Variants in SHISAL2B observed in about 807,000 individuals in gnomAD.
SHISAL2B encodes the protein protein shisa-like-2B.
In SHISAL2B, 12 loss-of-function variants were observed where a neutral mutation model predicts 16.5. The ratio of observed to expected loss-of-function variants is 0.73; its 90% CI spans 0.47 to 1.18. SHISAL2B has a LOEUF of 1.18. Ranked by LOEUF, SHISAL2B falls within the 50% of genes most tolerant of loss-of-function variation. The pLI is 0.00. For missense variants in SHISAL2B, 183 were observed against 193.6 expected (o/e 0.95, Z 0.33); for synonymous variants, 72 against 75.0 (o/e 0.96, Z 0.21).
intron 2 of SHISAL2B, among the ~76,000 whole-genome samples, chr5:64,716,518 TG>T (rs1250697657): frequency 2.0e-5 from 3 of 152,074 alleles, no homozygotes. Flanking sequence ...ATAAGTGCTT[TG>T]GGGGGAGAAA....
At chr5:64,699,169 A>C (rs1164086228) in intron 2 of SHISAL2B, among the ~76,000 whole-genome samples, 4 of 152,188 alleles carry the variant, frequency 2.6e-5, no homozygotes, top group African/African-American at 9.6e-5. Flanking sequence ...TATTTTGTCA[A>C]ATTGACAAAT....
chr5:64,705,595 CT>C (rs1191404811), intron 2 of SHISAL2B, among the ~76,000 whole-genome samples: 1 of 152,114 alleles, frequency 6.6e-6, no homozygotes, highest in Non-Finnish European at 1.5e-5. Flanking sequence ...AATCTTTGAT[CT>C]TTTATCTTTA....
chr5:64,714,325 G>A (rs1232467831), intron 2 of SHISAL2B, among the ~76,000 whole-genome samples: 1 of 142,434 alleles, frequency 7.0e-6, no homozygotes, highest in Non-Finnish European at 1.5e-5. Context: ...TGCCCCTGCT[G>A]GGGGGTGCCT....
chr5:64,697,676 CTT>C (rs1012638254), intron 2 of SHISAL2B, among the ~76,000 whole-genome samples: 3 of 151,896 alleles, frequency 2.0e-5, no homozygotes, highest in Non-Finnish European at 2.9e-5. Context: ...AATATATAAA[CTT>C]AGAATATAAA....
At position 64,714,930 on chromosome 5, in the gene SHISAL2B, G is replaced by A. The variant is rs140942715; in HGVS notation, c.350-2959G>A. Among the ~76,000 whole-genome samples the A allele has an allele frequency of 4.1e-3, 631 of 152,154 alleles. 9 individuals are homozygous for A. The highest frequency in any genetic ancestry group is 0.03 in the East Asian group (153 of 5,144). Reference sequence around the variant, plus strand: ...ACGGTGCGTGCACCCACTGGCCTGCGCCCACTGTCTGGCACTCCCTAGTGA... The same window carrying A: ...ACGGTGCGTGCACCCACTGGCCTGCACCCACTGTCTGGCACTCCCTAGTGA... On this transcript the variant is annotated intron_variant, in intron 2 of 2. Coordinates refer to ENST00000389074, the MANE Select transcript of SHISAL2B (RefSeq NM_001164442.2).
In SHISAL2B at chr5:64,718,032, C is replaced by A. The variant is rs1742084718; in HGVS notation, c.*10C>A. 7 of 1,493,988 alleles carry A rather than the reference C, an allele frequency of 4.7e-6. No homozygotes were observed. The highest frequency in any genetic ancestry group is 6.2e-6 in the Non-Finnish European group (7 of 1,135,354). The allele number at this position is 1,493,988 out of a possible 1,614,324, so 92.5% of individuals were successfully genotyped here. On this transcript the variant is annotated 3_prime_UTR_variant, in exon 3 of 3. Coordinates refer to ENST00000389074, the MANE Select transcript of SHISAL2B (RefSeq NM_001164442.2). ...CCACATTGCTTATTAACTAAAAATT[C>A]TGTGTTTTAAATGCTTACTGGAGAG...
intron 1 of SHISAL2B, among the ~76,000 whole-genome samples, chr5:64,693,906 C>T (rs1327632416): frequency 1.3e-5 from 2 of 152,150 alleles, no homozygotes; most frequent in Non-Finnish European, 2.9e-5. Context: ...CTCTGGAAGT[C>T]GACTTCAAGT....
chr5:64,709,385 G>A (rs1185040010), intron 2 of SHISAL2B, among the ~76,000 whole-genome samples: 2 of 150,652 alleles, frequency 1.3e-5, no homozygotes, highest in East Asian at 3.9e-4. Context: ...TTTTATGGCT[G>A]CATAGTATTC....
intron 2 of SHISAL2B, among the ~76,000 whole-genome samples, chr5:64,717,034 C>G (rs181978758): frequency 8.7e-4 from 132 of 152,222 alleles, no homozygotes; most frequent in Admixed American, 1.1e-3. Flanking sequence ...AGAGAGGCAT[C>G]AAGGACCAGA....
intron 2 of SHISAL2B, among the ~76,000 whole-genome samples, chr5:64,703,076 C>T (rs1580522318): frequency 6.6e-6 from 1 of 152,140 alleles, no homozygotes; most frequent in South Asian, 2.1e-4. Flanking sequence ...ATTCAAGTTT[C>T]CAAATAAACT....
intron 2 of SHISAL2B, among the ~76,000 whole-genome samples, chr5:64,696,964 C>A (rs1741747475): frequency 6.6e-6 from 1 of 152,142 alleles, no homozygotes; most frequent in Non-Finnish European, 1.5e-5. Flanking sequence ...TCGTATACCC[C>A]CTCCCCTTTT....
At position 64,717,919 on chromosome 5, in the gene SHISAL2B, A is replaced by T. The variant is rs1477806364; in HGVS notation, c.380A>T (p.Asn127Ile). Reference sequence around the variant, plus strand: ...TCAAATGGAAAAACCAAAGCCCTCAATTCAAATGCAGCATCAAATGCAACA... The same window carrying T: ...TCAAATGGAAAAACCAAAGCCCTCATTTCAAATGCAGCATCAAATGCAACA... ...GKSNGKTKALNSNAASNATNE... is the reference protein window; with the variant it reads ...GKSNGKTKALISNAASNATNE... The change falls in exon 3 of 3, where the codon AAT becomes ATT. Residue 127 changes from asparagine (N) to isoleucine (I), a missense_variant. Coordinates refer to ENST00000389074, the MANE Select transcript of SHISAL2B (RefSeq NM_001164442.2). The T allele has an allele frequency of 4.0e-6, 6 of 1,517,134 alleles. No individual in the cohort carries two copies. The South Asian group carries it at 5.1e-5, about 13-fold the overall frequency. 94.0% of individuals were successfully genotyped at this position (1,517,134 alleles called of 1,614,324 possible).
chr5:64,692,008 A>G (rs1260183288), intron 1 of SHISAL2B, among the ~76,000 whole-genome samples: 3 of 152,232 alleles, frequency 2.0e-5, no homozygotes, highest in African/African-American at 7.2e-5. Flanking sequence ...AGCATCAAAA[A>G]GTCTCAAAAG....
At position 64,694,071 on chromosome 5, in the gene SHISAL2B, C is replaced by T. The variant is rs1367790618; in HGVS notation, c.192-1436C>T. The T allele has an allele frequency of 6.6e-6, 3 of 455,708 alleles. No homozygotes were observed. The Admixed American group carries it at 7.1e-5, about 11-fold the overall frequency. The allele number at this position is 455,708 out of a possible 1,614,324, so 28.2% of individuals were successfully genotyped here. ...CATCCCTGGTCAAATTCTCCCTTCC[C>T]TCCCTTTTGGTACAGGTCAAACTTG... On this transcript the variant is annotated intron_variant, in intron 1 of 2. Transcript: ENST00000389074.
At chr5:64,708,394 T>C (rs528829629) in intron 2 of SHISAL2B, among the ~76,000 whole-genome samples, 60 of 152,284 alleles carry the variant, frequency 3.9e-4, no homozygotes, top group African/African-American at 1.4e-3. Context: ...TCACAGGTCA[T>C]TGCAAAATAA....
intron 1 of SHISAL2B, among the ~76,000 whole-genome samples, chr5:64,694,882 TA>T (rs1302734661): frequency 6.6e-6 from 1 of 152,190 alleles, no homozygotes; most frequent in Non-Finnish European, 1.5e-5. Context: ...AATAGAGATT[TA>T]TTTGATGGAG....
intron 2 of SHISAL2B, among the ~76,000 whole-genome samples, chr5:64,707,526 G>C (rs756137365): frequency 1.9e-4 from 29 of 152,102 alleles, no homozygotes; most frequent in Non-Finnish European, 1.3e-4. Flanking sequence ...TCAAAGCCTT[G>C]GTAAAACAAC....
chr5:64,699,419 G>T (rs939571883), intron 2 of SHISAL2B, among the ~76,000 whole-genome samples: 20 of 152,182 alleles, frequency 1.3e-4, no homozygotes. Context: ...TGTACCCTTC[G>T]TTAAATATGC....
intron 1 of SHISAL2B, chr5:64,693,999 C>A: frequency 2.3e-6 from 1 of 441,446 alleles, no homozygotes. Context: ...CTTAGCTCTT[C>A]ACTTTCAGTT....
Sources: gnomAD v4.1 joint callset for allele counts (sites outside exome capture counted in the v4.1 genomes callset) on GRCh38, gnomAD v4.1.1 for gene constraint, MANE v1.5 for transcripts, NCBI Gene and HGNC (gene_info 2026-07-23, HGNC 2026-07-21) for gene names.